Variants in IGFL2 observed in about 807,000 individuals in gnomAD.
IGFL2 encodes the protein IGF like family member 2.
In IGFL2, 7 loss-of-function variants were observed where a neutral mutation model predicts 13.9. The ratio of observed to expected loss-of-function variants is 0.51; its 90% CI spans 0.29 to 0.95. IGFL2 has a LOEUF of 0.95. Ranked by LOEUF, IGFL2 falls within the 40% of genes least tolerant of loss-of-function variation. The probability of loss-of-function intolerance (pLI) is 0.08; values close to 1 mark genes in which losing one functional copy is unlikely to be tolerated. For missense variants in IGFL2, 138 were observed against 147.8 expected (o/e 0.93, Z 0.34); for synonymous variants, 55 against 55.8 (o/e 0.99, Z 0.07).
downstream of IGFL2, among the ~76,000 whole-genome samples, chr19:46,165,220 A>G (rs937115553): frequency 3.9e-4 from 59 of 152,226 alleles, no homozygotes; most frequent in African/African-American, 1.4e-3. Context: ...CAGTTACTCC[A>G]AGAGGTTAGG....
chr19:46,188,406 C>T, the IGFL2 span, among the ~76,000 whole-genome samples: 1 of 151,980 alleles, frequency 6.6e-6, no homozygotes, highest in African/African-American at 2.4e-5. Context: ...ACGCTCATTC[C>T]TGTGACCGCC....
At chr19:46,086,240 G>GT in the IGFL2 span, among the ~76,000 whole-genome samples, 3 of 151,702 alleles carry the variant, frequency 2.0e-5, no homozygotes, top group Non-Finnish European at 4.4e-5. Context: ...AATATTGTTG[G>GT]TTTTTTTGTA....
the IGFL2 span, among the ~76,000 whole-genome samples, chr19:46,201,735 TGGG>T: frequency 3.3e-5 from 5 of 151,962 alleles, no homozygotes; most frequent in East Asian, 5.8e-4. Flanking sequence ...GGGTTAAGGT[TGGG>T]GGATACAAGA....
chr19:46,175,936 T>C, the IGFL2 span, among the ~76,000 whole-genome samples: 1 of 148,590 alleles, frequency 6.7e-6, no homozygotes, highest in Non-Finnish European at 1.5e-5. Context: ...TCCACCTCCC[T>C]GGTTCAAGCG....
chr19:46,180,452 C>T, the IGFL2 span, among the ~76,000 whole-genome samples: 2 of 152,306 alleles, frequency 1.3e-5, no homozygotes, highest in East Asian at 1.9e-4. Context: ...GCTGAGATTA[C>T]AAGCGTGAGC....
chr19:46,114,647 G>T, the IGFL2 span, among the ~76,000 whole-genome samples: 1 of 152,132 alleles, frequency 6.6e-6, no homozygotes, highest in Non-Finnish European at 1.5e-5. Context: ...CCTGAGATCT[G>T]ATGGTTAAAA....
chr19:46,179,843 G>A, the IGFL2 span, among the ~76,000 whole-genome samples: 2 of 152,124 alleles, frequency 1.3e-5, no homozygotes, highest in African/African-American at 2.4e-5. Flanking sequence ...TTGATCCCGG[G>A]AGGTGGAGGT....
chr19:46,149,205 TC>T (rs1973325455), intron 1 of IGFL2, among the ~76,000 whole-genome samples: 1 of 150,158 alleles, frequency 6.7e-6, no homozygotes, highest in Non-Finnish European at 1.5e-5. Flanking sequence ...TCCCTCTCTT[TC>T]TCTCTCCCTC....
At chr19:46,134,877 G>T in the IGFL2 span, among the ~76,000 whole-genome samples, 1 of 152,158 alleles carries the variant, frequency 6.6e-6, no homozygotes. Flanking sequence ...GTAGGGGTGA[G>T]ATGAAGCCAA....
intron 1 of IGFL2, among the ~76,000 whole-genome samples, chr19:46,158,874 G>A (rs1973972434): frequency 6.6e-6 from 1 of 152,126 alleles, no homozygotes; most frequent in Non-Finnish European, 1.5e-5. Flanking sequence ...CAGCAGGTGG[G>A]GGATGGAGTG....
chr19:46,180,277 C>G, the IGFL2 span, among the ~76,000 whole-genome samples: 1 of 151,062 alleles, frequency 6.6e-6, no homozygotes, highest in Non-Finnish European at 1.5e-5. Flanking sequence ...CTCCCGAGTT[C>G]AAGCAATTCT....
the IGFL2 span, among the ~76,000 whole-genome samples, chr19:46,078,712 T>A: frequency 6.6e-6 from 1 of 152,196 alleles, no homozygotes; most frequent in Non-Finnish European, 1.5e-5. Flanking sequence ...TGACGCACTC[T>A]CTCTGGGGGT....
chr19:46,166,702 G>A, the IGFL2 span, among the ~76,000 whole-genome samples: 1 of 152,148 alleles, frequency 6.6e-6, no homozygotes, highest in African/African-American at 2.4e-5. Context: ...GTTCAGAGAC[G>A]TACCCCTAGG....
downstream of IGFL2, chr19:46,164,324 A>G (rs575663716): frequency 2.0e-5 from 3 of 152,036 alleles, no homozygotes; most frequent in African/African-American, 7.2e-5. Flanking sequence ...AAGTCTGACC[A>G]CCTTTTGGTG....
At chr19:46,146,721 T>C (rs1446557007), upstream of IGFL2, among the ~76,000 whole-genome samples, 3 of 152,226 alleles carry the variant, frequency 2.0e-5, no homozygotes, top group African/African-American at 4.8e-5. Context: ...TTTTTTTCTT[T>C]AAATTATTGT....
chr19:46,200,473 C>CCTTTCCTTTTCTTTTCTTTT, the IGFL2 span, among the ~76,000 whole-genome samples: 2 of 134,278 alleles, frequency 1.5e-5, no homozygotes, highest in Admixed American at 7.8e-5. Flanking sequence ...CACACCTGGC[C>CCTTTCCTTTTCTTTTCTTTT]CTTTTCTTTT....
chr19:46,178,371 A>C, the IGFL2 span, among the ~76,000 whole-genome samples: 1 of 152,236 alleles, frequency 6.6e-6, no homozygotes, highest in African/African-American at 2.4e-5. Flanking sequence ...ATAACATCAC[A>C]CTACAGATAG....
chr19:46,142,094 ATTTAC>A (rs1374974426), upstream of IGFL2, among the ~76,000 whole-genome samples: 1 of 152,140 alleles, frequency 6.6e-6, no homozygotes, highest in East Asian at 1.9e-4. Flanking sequence ...AATTCTAAAA[ATTTAC>A]TTAACCTCTC....
chr19:46,182,237 C>T, the IGFL2 span, among the ~76,000 whole-genome samples: 2 of 151,862 alleles, frequency 1.3e-5, no homozygotes, highest in Non-Finnish European at 2.9e-5. Context: ...CTTGGTGGTG[C>T]ATGCCTGTAG....
Sources: gnomAD v4.1 joint callset for allele counts (sites outside exome capture counted in the v4.1 genomes callset) on GRCh38, gnomAD v4.1.1 for gene constraint, MANE v1.5 for transcripts, NCBI Gene and HGNC (gene_info 2026-07-23, HGNC 2026-07-21) for gene names.